UGT1A9: variants seen among roughly 807,000 people sequenced by gnomAD.
The protein encoded by UGT1A9 is UDP glucuronosyltransferase family 1 member A9, also known as UDP-glucuronosyltransferase 1A9.
UGT1A9 carries 35 observed loss-of-function variants against 45.0 expected under a neutral mutation model. The observed-to-expected ratio is 0.78, with a 90% CI of 0.59 to 1.03. The LOEUF (loss-of-function observed/expected upper bound fraction) is 1.03. UGT1A9 is among the 50% of genes least tolerant of loss of function. UGT1A9 has a pLI of 0.00. For synonymous variants in UGT1A9, 278 were observed against 250.6 expected, an observed-to-expected ratio of 1.11 and a Z score of -1.03; for missense variants, 687 against 666.6, an observed-to-expected ratio of 1.03 and a Z score of -0.34.
At chr2:233,739,387 C>T (rs1691076515) in intron 1 of UGT1A9, among the ~76,000 whole-genome samples, 1 of 152,204 alleles carries the variant, frequency 6.6e-6, no homozygotes, top group Non-Finnish European at 1.5e-5. Flanking sequence ...CTGGAAGAGC[C>T]ACAGACATCA....
At position 233,772,877 on chromosome 2, in the gene UGT1A9, G is replaced by C; in HGVS notation, c.*318G>C. The C allele has an allele frequency of 1.7e-6, 1 of 579,394 alleles. No homozygotes were observed. Among genetic ancestry groups the C allele is most frequent in the South Asian group, 2.3e-5 (1 of 42,896 alleles). The allele number at this position is 579,394 out of a possible 1,614,324, so 35.9% of individuals were successfully genotyped here. ...TGAAACATGGCCTGTTTGGGAGTGC[G>C]GGATTCAAAGGTGGTCCCACGGCTG... On this transcript the variant is annotated 3_prime_UTR_variant, in exon 5 of 5. Coordinates refer to ENST00000354728, the MANE Select transcript of UGT1A9 (RefSeq NM_021027.3).
intron 1 of UGT1A9, among the ~76,000 whole-genome samples, chr2:233,737,048 T>C (rs764914717): frequency 2.0e-5 from 3 of 152,226 alleles, no homozygotes; most frequent in Admixed American, 6.5e-5. Flanking sequence ...AATGCCATAC[T>C]AGGAGAACGA....
intron 1 of UGT1A9, chr2:233,743,017 T>G (rs1054805): frequency 8.4e-6 from 2 of 239,502 alleles, no homozygotes; most frequent in African/African-American, 2.3e-5. Flanking sequence ...TTACAACGAT[T>G]GAAAGACAAA....
chr2:233,690,015 A>G (rs950234716), intron 1 of UGT1A9: 1 of 440,784 alleles, frequency 2.3e-6, no homozygotes, highest in Non-Finnish European at 4.5e-6. Context: ...ACCATTTTGG[A>G]CCTTCCTCAA....
intron 1 of UGT1A9, among the ~76,000 whole-genome samples, chr2:233,703,618 AT>A (rs2075745853): frequency 6.6e-6 from 1 of 151,894 alleles, no homozygotes; most frequent in South Asian, 2.1e-4. Flanking sequence ...AAAAAAGTCT[AT>A]TTTATCTGAT....
chr2:233,767,996 A>AG (rs1699544638), intron 3 of UGT1A9, 60 bp downstream of exon 3: 2 of 1,614,194 alleles, frequency 1.2e-6, no homozygotes, highest in Non-Finnish European at 1.7e-6. Flanking sequence ...AAATGGCTTA[A>AG]GCACAGCTAT....
chr2:233,689,784 G>T (rs905973456), intron 1 of UGT1A9: 5 of 409,516 alleles, frequency 1.2e-5, no homozygotes, highest in Non-Finnish European at 2.4e-5. Flanking sequence ...CATATGTTAT[G>T]ATGTGATCTG....
intron 1 of UGT1A9, chr2:233,748,014 C>G: frequency 6.2e-7 from 1 of 1,613,488 alleles, no homozygotes; most frequent in Non-Finnish European, 8.5e-7. Flanking sequence ...TTACCCCAGG[C>G]CGATCATGCC....
chr2:233,747,060 A>C (rs1693551800), intron 1 of UGT1A9, among the ~76,000 whole-genome samples: 1 of 151,974 alleles, frequency 6.6e-6, no homozygotes, highest in Non-Finnish European at 1.5e-5. Flanking sequence ...ATGATTGGTT[A>C]ATCGGTAATA....
chr2:233,715,550 T>C (rs1275679420), intron 1 of UGT1A9, among the ~76,000 whole-genome samples: 5 of 152,112 alleles, frequency 3.3e-5, no homozygotes, highest in African/African-American at 7.2e-5. Flanking sequence ...GGGAGGAGGA[T>C]TGCTTGAGCC....
chr2:233,743,619 A>G, intron 1 of UGT1A9: 2 of 1,367,304 alleles, frequency 1.5e-6, no homozygotes, highest in African/African-American at 3.0e-5. Context: ...AACTCCCTGA[A>G]GACGTCGGCT....
chr2:233,695,130 C>CTTTCTTTTTTTTT lies in UGT1A9; in HGVS notation c.855+22344_855+22345insCTTTTTTTTTTTT, dbSNP rs1364557158. ...GCCCATTAACCAACCCTTTTCTTTT[C>CTTTCTTTTTTTTT]TTTTTTTTTTTTTTGAGACAGAGTC... On this transcript the variant is annotated intron_variant, in intron 1 of 4. Coordinates refer to ENST00000354728, the MANE Select transcript of UGT1A9 (RefSeq NM_021027.3). Among the ~76,000 whole-genome samples the CTTTCTTTTTTTTT allele has an allele frequency of 2.6e-4, 36 of 138,832 alleles. 1 individual carries two copies. The highest frequency in any genetic ancestry group is 2.4e-4 in the African/African-American group (9 of 36,850). 91.1% of individuals were successfully genotyped at this position (138,832 alleles called of 152,430 possible).
intron 1 of UGT1A9, among the ~76,000 whole-genome samples, chr2:233,738,704 G>A (rs1471185258): frequency 6.6e-6 from 1 of 152,238 alleles, no homozygotes; most frequent in South Asian, 2.1e-4. Flanking sequence ...TAAAAGGGAA[G>A]CAGAGCATAA....
intron 1 of UGT1A9, chr2:233,690,588 G>GAAAA: frequency 8.9e-7 from 1 of 1,125,264 alleles, no homozygotes; most frequent in Non-Finnish European, 1.2e-6. Flanking sequence ...CAATCCCTGA[G>GAAAA]AAAAAAAAAA....
chr2:233,772,331 C>G lies in UGT1A9; in HGVS notation c.1365C>G (p.Ala455=). ...GCCCGGTGGAGCCGCTGGACCTGGC[C>G]GTGTTCTGGGTGGAGTTTGTGATGA... ...KDRPVEPLDL[A]VFWVEFVMRH... Residue 455 remains alanine (A), a synonymous_variant, in exon 5 of 5, where the codon GCC becomes GCG. Coordinates refer to ENST00000354728, the MANE Select transcript of UGT1A9 (RefSeq NM_021027.3). The G allele has an allele frequency of 6.2e-7, 1 of 1,614,136 alleles. No individual in the cohort carries two copies. The highest frequency in any genetic ancestry group is 8.5e-7 in the Non-Finnish European group (1 of 1,180,034).
At chr2:233,743,542 C>A in intron 1 of UGT1A9, 1 of 1,364,376 alleles carries the variant, frequency 7.3e-7, no homozygotes, top group Non-Finnish European at 9.8e-7. Flanking sequence ...GTTCCTCTGA[C>A]CCCCCCAAAA....
intron 1 of UGT1A9, among the ~76,000 whole-genome samples, chr2:233,744,598 C>G (rs1055879945): frequency 2.0e-5 from 3 of 151,878 alleles, no homozygotes; most frequent in East Asian, 3.8e-4. Context: ...TTGCATCTCT[C>G]TTTAGTACTT....
chr2:233,689,913 C>A (rs1222600781), intron 1 of UGT1A9: 1 of 456,674 alleles, frequency 2.2e-6, no homozygotes, highest in Admixed American at 2.3e-5. Context: ...AGGTAGGTGC[C>A]TGGAATTTCC....
chr2:233,755,153 C>T, intron 1 of UGT1A9: 10 of 1,299,120 alleles, frequency 7.7e-6, no homozygotes, highest in Non-Finnish European at 1.0e-5. Flanking sequence ...CCGCTTCCTC[C>T]CTGTCCTCGG....
Sources: gnomAD v4.1 joint callset for allele counts (sites outside exome capture counted in the v4.1 genomes callset) on GRCh38, gnomAD v4.1.1 for gene constraint, MANE v1.5 for transcripts, NCBI Gene and HGNC (gene_info 2026-07-23, HGNC 2026-07-21) for gene names.